Variants in TNKS observed in about 807,000 individuals in gnomAD.
TNKS encodes the protein tankyrase.
TNKS carries 72 observed loss-of-function variants against 135.8 expected under a neutral mutation model. The observed-to-expected ratio is 0.53, with a 90% CI of 0.44 to 0.64. TNKS has a LOEUF of 0.64. Ranked by LOEUF, TNKS falls within the 30% of genes least tolerant of loss-of-function variation. The pLI, the probability that TNKS is intolerant of heterozygous loss-of-function variation, is 0.00. For missense variants in TNKS, 1,769 were observed against 1,674.0 expected, an observed-to-expected ratio of 1.06 and a Z score of -0.99; for synonymous variants, 849 against 649.3, an observed-to-expected ratio of 1.31 and a Z score of -4.68.
rs1253413853 is a variant in TNKS at position 9,778,963 on chromosome 8, C to CT, written c.*2229dup. ...GGATGCGCCAGTTTTCATCTTGGTC[C>CT]TTACACTTGAGAAGTTAAACTGTGG... On this transcript the variant is annotated 3_prime_UTR_variant, in exon 27 of 27. Transcript: ENST00000310430. The CT allele has an allele frequency of 1.3e-5, 2 of 152,200 alleles. No homozygotes were observed. The highest frequency in any genetic ancestry group is 4.8e-5 in the African/African-American group (2 of 41,458). The allele number at this position is 152,200 out of a possible 1,614,324, so 9.4% of individuals were successfully genotyped here.
In TNKS at chr8:9,777,222, T is replaced by G. The variant is rs1328679781; in HGVS notation, c.*486T>G. 1 of 157,252 alleles carries G rather than the reference T, an allele frequency of 6.4e-6. No homozygotes were observed. Among genetic ancestry groups the G allele is most frequent in the East Asian group, 1.9e-4 (1 of 5,334 alleles). The allele number at this position is 157,252 out of a possible 1,614,324, so 9.7% of individuals were successfully genotyped here. On this transcript the variant is annotated 3_prime_UTR_variant, in exon 27 of 27. Transcript: ENST00000310430. ...TTTTTTTGTGTTTTTTGGGTTACTT[T>G]GAAAATGAGCCAGAGCCTTCTTGAG...
At chr8:9,606,817 A>G (rs1799238969) in intron 2 of TNKS, among the ~76,000 whole-genome samples, 1 of 151,996 alleles carries the variant, frequency 6.6e-6, no homozygotes, top group Non-Finnish European at 1.5e-5. Flanking sequence ...AAGAATTTTT[A>G]TTCTTGTTTT....
intron 12 of TNKS, among the ~76,000 whole-genome samples, chr8:9,721,966 T>G (rs1283819101): frequency 6.6e-6 from 1 of 150,926 alleles, no homozygotes; most frequent in Admixed American, 6.6e-5. Context: ...GGCAGGAGAA[T>G]CACTGGAACC....
At position 9,622,719 on chromosome 8, in the gene TNKS, A is replaced by T. The variant is rs73523232; in HGVS notation, c.994+7042A>T. ...AATATAATGTTCTTTTTTAGATTAA[A>T]GATTATTCCTTTTGAAAGACAAGTT... On this transcript the variant is annotated intron_variant, in intron 3 of 26. Transcript: ENST00000310430. Among the ~76,000 whole-genome samples the T allele has an allele frequency of 7.4e-3, 1,126 of 152,310 alleles. 12 individuals carry two copies. Among genetic ancestry groups the T allele is most frequent in the African/African-American group, 0.025 (1,052 of 41,560 alleles).
At chr8:9,585,278 G>A (rs544677367) in intron 2 of TNKS, among the ~76,000 whole-genome samples, 2 of 151,554 alleles carry the variant, frequency 1.3e-5, no homozygotes, top group East Asian at 1.9e-4. Context: ...AAATCATGAC[G>A]AAAAAGGTAA....
At position 9,744,174 on chromosome 8, in the gene TNKS, T is replaced by A. The variant is rs545731847; in HGVS notation, c.2644-3850T>A. Among the ~76,000 whole-genome samples the A allele has an allele frequency of 5.3e-5, 8 of 152,320 alleles. No homozygotes were observed. The South Asian group carries it at 1.7e-3, about 32-fold the overall frequency. Reference sequence around the variant, plus strand: ...ATGAGAGTTGATATTAGTGGTAGTGTGCCTTACTGTGTCGGTGTTCTTTAT... The same window carrying A: ...ATGAGAGTTGATATTAGTGGTAGTGAGCCTTACTGTGTCGGTGTTCTTTAT... On this transcript the variant is annotated intron_variant, in intron 17 of 26. Coordinates refer to ENST00000310430, the MANE Select transcript of TNKS (RefSeq NM_003747.3).
intron 3 of TNKS, among the ~76,000 whole-genome samples, chr8:9,638,005 G>C (rs1301026057): frequency 1.3e-5 from 2 of 152,014 alleles, no homozygotes; most frequent in African/African-American, 4.8e-5. Flanking sequence ...ATCTCGCTTT[G>C]TTGCCCAGGC....
At chr8:9,713,553 A>G (rs1236322738) in intron 11 of TNKS, among the ~76,000 whole-genome samples, 16 of 152,192 alleles carry the variant, frequency 1.1e-4, no homozygotes, top group Admixed American at 6.5e-4. Context: ...TAGCCCTGTC[A>G]ATGACTTAGA....
chr8:9,587,565 A>G (rs1437825549), intron 2 of TNKS, among the ~76,000 whole-genome samples: 2 of 151,828 alleles, frequency 1.3e-5, no homozygotes, highest in African/African-American at 2.4e-5. Flanking sequence ...CGCCCGGGTA[A>G]TTTTGTTTTT....
chr8:9,556,080 T>A lies in TNKS; in HGVS notation c.141T>A (p.Ser47=). The A allele has an allele frequency of 6.2e-7, 1 of 1,605,192 alleles. No homozygotes were observed. The highest frequency in any genetic ancestry group is 1.1e-5 in the South Asian group (1 of 90,410). Residue 47 remains serine (S), a synonymous_variant, in exon 1 of 27, where the codon TCT becomes TCA. Coordinates refer to ENST00000310430, the MANE Select transcript of TNKS (RefSeq NM_003747.3). The part of the protein sequence containing the change: ...PGLAPGTTPA[S]PTASGLAPFA... The stretch of plus-strand genomic sequence containing the variant: ...TGGCCCCGGGGACCACCCCAGCCTC[T>A]CCCACGGCCAGCGGCCTGGCCCCCT...
intron 13 of TNKS, among the ~76,000 whole-genome samples, chr8:9,729,971 T>A (rs1472667567): frequency 1.1e-4 from 17 of 151,996 alleles, no homozygotes; most frequent in Non-Finnish European, 2.5e-4. Context: ...GAGATGAGGT[T>A]TCACTATGTT....
chr8:9,658,399 G>A (rs1312457429), intron 3 of TNKS: 100 of 1,315,416 alleles, frequency 7.6e-5, no homozygotes, highest in East Asian at 1.5e-4. Flanking sequence ...TCCGCTGCCC[G>A]CTGAACTCCA....
At chr8:9,724,146 G>A (rs1805043576) in intron 12 of TNKS, among the ~76,000 whole-genome samples, 1 of 152,144 alleles carries the variant, frequency 6.6e-6, no homozygotes, top group Admixed American at 6.5e-5. Flanking sequence ...GATTCTAGGT[G>A]ACTATAATTT....
chr8:9,690,866 T>C (rs1803232955), intron 5 of TNKS, among the ~76,000 whole-genome samples: 1 of 152,192 alleles, frequency 6.6e-6, no homozygotes, highest in Non-Finnish European at 1.5e-5. Context: ...TATCAATTGC[T>C]ATTTTATCTC....
At chr8:9,663,915 C>T (rs568291456) in intron 3 of TNKS, among the ~76,000 whole-genome samples, 15 of 152,166 alleles carry the variant, frequency 9.9e-5, no homozygotes, top group Non-Finnish European at 1.9e-4. Flanking sequence ...CTTGGGGTTT[C>T]TCTGGAGGCT....
intron 2 of TNKS, among the ~76,000 whole-genome samples, chr8:9,612,064 A>C (rs1799483211): frequency 6.6e-6 from 1 of 152,092 alleles, no homozygotes; most frequent in Non-Finnish European, 1.5e-5. Flanking sequence ...GAGATTTGAG[A>C]CCGCTCCTAA....
At position 9,751,648 on chromosome 8, in the gene TNKS, C is replaced by T; in HGVS notation, c.2872C>T (p.Pro958Ser). Residue 958 changes from proline to serine, a missense_variant, in exon 19 of 27, where the codon CCA (proline) becomes TCA (serine). Coordinates refer to ENST00000310430, the MANE Select transcript of TNKS (RefSeq NM_003747.3). ...AGCTTTGCTGATAGATGCCATGCCC[C>T]CAGAGGCCTTACCTACCTGTTTTAA... Reference protein sequence around the residue: ...IRALLIDAMPPEALPTCFKPQ... With the variant: ...IRALLIDAMPSEALPTCFKPQ... 1.9e-6 allele frequency: 3 copies of T among 1,614,118 alleles called. No homozygotes were observed. The highest frequency in any genetic ancestry group is 2.5e-6 in the Non-Finnish European group (3 of 1,180,014).
chr8:9,742,340 T>C (rs1195363908), intron 17 of TNKS, among the ~76,000 whole-genome samples: 1 of 151,428 alleles, frequency 6.6e-6, no homozygotes, highest in Non-Finnish European at 1.5e-5. Context: ...TTTGGTCAGA[T>C]ACATGAGTGT....
At position 9,771,801 on chromosome 8, in the gene TNKS, T is replaced by TGG. The variant is rs1554490289; in HGVS notation, c.3897+1543_3897+1544dup. ...GGCAGGAGAGAGAGGAGAAGGGAAGTGGGGGAGGAAGGGAGAAGGGGGAAT... is the reference window on the plus strand; with the variant it reads ...GGCAGGAGAGAGAGGAGAAGGGAAGTGGGGGGGAGGAAGGGAGAAGGGGGAAT... On this transcript the variant is annotated intron_variant, in intron 26 of 26. Transcript: ENST00000310430. 5.4e-3 allele frequency among the ~76,000 whole-genome samples: 44 copies of TGG among 8,184 alleles called. 1 individual carries two copies. Among genetic ancestry groups the TGG allele is most frequent in the African/African-American group, 0.012 (17 of 1,438 alleles). The allele number at this position is 8,184 out of a possible 152,430, so 5.4% of individuals were successfully genotyped here.
Sources: gnomAD v4.1 joint callset for allele counts (sites outside exome capture counted in the v4.1 genomes callset) on GRCh38, gnomAD v4.1.1 for gene constraint, MANE v1.5 for transcripts, NCBI Gene and HGNC (gene_info 2026-07-23, HGNC 2026-07-21) for gene names.